MEF2A: variants seen among roughly 807,000 people sequenced by gnomAD.
MEF2A encodes myocyte-specific enhancer factor 2A.
In MEF2A, 28 loss-of-function variants were observed where a neutral mutation model predicts 55.8. That is an observed-to-expected ratio of 0.50 (90% CI 0.37 to 0.69). The LOEUF is 0.69. Among genes scored for constraint, MEF2A ranks in the 30% least tolerant of loss-of-function variants. MEF2A has a pLI of 0.00. For synonymous variants in MEF2A, 239 were observed against 227.1 expected, an observed-to-expected ratio of 1.05 and a Z score of -0.47; for missense variants, 528 against 626.2, an observed-to-expected ratio of 0.84 and a Z score of 1.67.
At chr15:99,653,732 G>A (rs1430347174) in intron 4 of MEF2A, among the ~76,000 whole-genome samples, 4 of 152,034 alleles carry the variant, frequency 2.6e-5, no homozygotes, top group Non-Finnish European at 5.9e-5. Flanking sequence ...TTAAGACTTG[G>A]TAAATAGGCA....
At chr15:99,598,819 A>G (rs1161885608) in intron 2 of MEF2A, among the ~76,000 whole-genome samples, 1 of 152,168 alleles carries the variant, frequency 6.6e-6, no homozygotes. Context: ...AAAATTAAGT[A>G]GGTAGTTGGT....
intron 2 of MEF2A, among the ~76,000 whole-genome samples, chr15:99,614,457 T>G (rs897612583): frequency 4.6e-5 from 7 of 152,202 alleles, no homozygotes; most frequent in Non-Finnish European, 1.0e-4. Context: ...TTGTGAAATC[T>G]CATACTTTGA....
chr15:99,698,062 A>C (rs1156454787), intron 8 of MEF2A, among the ~76,000 whole-genome samples: 1 of 152,246 alleles, frequency 6.6e-6, no homozygotes, highest in East Asian at 1.9e-4. Context: ...AAATAACTCA[A>C]ACTTTATTAA....
chr15:99,603,561 G>GTGTGTGTGTGTGTA (rs1974072632), intron 2 of MEF2A, among the ~76,000 whole-genome samples: 1 of 151,036 alleles, frequency 6.6e-6, no homozygotes, highest in Non-Finnish European at 1.5e-5. Flanking sequence ...GTGTGTGTGT[G>GTGTGTGTGTGTGTA]TGTGTGTGTG....
intron 2 of MEF2A, among the ~76,000 whole-genome samples, chr15:99,631,966 A>G (rs1179605819): frequency 1.3e-5 from 2 of 152,200 alleles, no homozygotes; most frequent in African/African-American, 2.4e-5. Flanking sequence ...TAAAATTCCC[A>G]TGGGAATGTA....
At chr15:99,685,391 C>T (rs1567439578) in intron 7 of MEF2A, among the ~76,000 whole-genome samples, 1 of 151,776 alleles carries the variant, frequency 6.6e-6, no homozygotes, top group Non-Finnish European at 1.5e-5. Flanking sequence ...TCATAGTTTT[C>T]CTTGTAGAAA....
chr15:99,605,525 A>G (rs1465778227), intron 2 of MEF2A, among the ~76,000 whole-genome samples: 1 of 152,246 alleles, frequency 6.6e-6, no homozygotes, highest in Admixed American at 6.5e-5. Context: ...GATTTGTTCA[A>G]CACATTTACA....
intron 2 of MEF2A, among the ~76,000 whole-genome samples, chr15:99,610,066 G>GTAAAAATTT (rs1311919417): frequency 6.6e-6 from 1 of 151,852 alleles, no homozygotes; most frequent in African/African-American, 2.4e-5. Flanking sequence ...TTTAAATACA[G>GTAAAAATTT]TAAAAATTTT....
In MEF2A at chr15:99,713,061, C is replaced by T. The variant is rs576697119; in HGVS notation, c.*290C>T. 5.3e-4 allele frequency: 250 copies of T among 468,464 alleles called. 6 individuals carry two copies. The South Asian group carries it at 0.012, about 23-fold the overall frequency. 29.0% of individuals were successfully genotyped at this position (468,464 alleles called of 1,614,324 possible). ...TGGCACTTCCTTGGACTACTTGTTT[C>T]GTAAAGATAACCAGTTTTTGCAGAG... On this transcript the variant is annotated 3_prime_UTR_variant, in exon 12 of 12. Transcript: ENST00000557942.
intron 4 of MEF2A, among the ~76,000 whole-genome samples, chr15:99,667,216 T>TTTTA (rs370754403): frequency 7.4e-4 from 112 of 151,934 alleles, no homozygotes; most frequent in South Asian, 1.5e-3. Context: ...GGTTTTTGGT[T>TTTTA]TTTATTTATT....
At position 99,635,615 on chromosome 15, in the gene MEF2A, A is replaced by G. The variant is rs143289803; in HGVS notation, c.54+2442A>G. Among the ~76,000 whole-genome samples the G allele has an allele frequency of 3.4e-3, 521 of 152,238 alleles. 2 individuals are homozygous for G. Among genetic ancestry groups the G allele is most frequent in the African/African-American group, 0.012 (490 of 41,556 alleles). Reference sequence around the variant, plus strand: ...CTCCCAGTTGTTTCCCCCTGCCCCAAGGAAGGTCATTATCCTGACTTCTAA... The same window carrying G: ...CTCCCAGTTGTTTCCCCCTGCCCCAGGGAAGGTCATTATCCTGACTTCTAA... On this transcript the variant is annotated intron_variant, in intron 3 of 11. Coordinates refer to ENST00000557942, the MANE Select transcript of MEF2A (RefSeq NM_001319206.4).
intron 4 of MEF2A, among the ~76,000 whole-genome samples, chr15:99,665,560 A>T (rs1199345775): frequency 6.6e-6 from 1 of 152,154 alleles, no homozygotes; most frequent in East Asian, 1.9e-4. Context: ...AACAATGGCA[A>T]CAAAAGCCAA....
At chr15:99,659,908 A>G (rs911617482) in intron 4 of MEF2A, among the ~76,000 whole-genome samples, 3 of 152,246 alleles carry the variant, frequency 2.0e-5, no homozygotes, top group African/African-American at 7.2e-5. Context: ...GAAAAATTGA[A>G]TAATCTTGTC....
chr15:99,599,110 A>C (rs1202483814), intron 2 of MEF2A, among the ~76,000 whole-genome samples: 1 of 152,112 alleles, frequency 6.6e-6, no homozygotes, highest in Non-Finnish European at 1.5e-5. Flanking sequence ...GTTAACATTC[A>C]CAGTATCTCA....
intron 4 of MEF2A, among the ~76,000 whole-genome samples, chr15:99,660,662 A>G (rs1181697564): frequency 1.3e-4 from 20 of 152,220 alleles, no homozygotes; most frequent in Admixed American, 1.2e-3. Flanking sequence ...GTGTTAAGCC[A>G]CTGAGATTTA....
chr15:99,683,091 A>G (rs2053540603), intron 7 of MEF2A, among the ~76,000 whole-genome samples: 1 of 152,190 alleles, frequency 6.6e-6, no homozygotes, highest in Non-Finnish European at 1.5e-5. Flanking sequence ...TCCAAGTCAT[A>G]TATGATCTCT....
intron 4 of MEF2A, among the ~76,000 whole-genome samples, chr15:99,668,945 T>C (rs1236625659): frequency 1.3e-5 from 2 of 152,184 alleles, no homozygotes; most frequent in Admixed American, 6.5e-5. Flanking sequence ...TAGCTTATTA[T>C]CTACAAAGCT....
intron 7 of MEF2A, among the ~76,000 whole-genome samples, chr15:99,679,406 C>T (rs1312416237): frequency 6.6e-6 from 1 of 152,166 alleles, no homozygotes; most frequent in Non-Finnish European, 1.5e-5. Flanking sequence ...GAAATCACAG[C>T]AGTTCTCAAC....
chr15:99,679,721 C>CCTAT (rs1436091391), intron 7 of MEF2A, among the ~76,000 whole-genome samples: 3 of 152,082 alleles, frequency 2.0e-5, no homozygotes, highest in Non-Finnish European at 4.4e-5. Context: ...AAATCCTTAA[C>CCTAT]CTATACGTTT....
Sources: gnomAD v4.1 joint callset for allele counts (sites outside exome capture counted in the v4.1 genomes callset) on GRCh38, gnomAD v4.1.1 for gene constraint, MANE v1.5 for transcripts, NCBI Gene and HGNC (gene_info 2026-07-23, HGNC 2026-07-21) for gene names.